CCDC171: variants seen among roughly 807,000 people sequenced by gnomAD.
CCDC171 encodes coiled-coil domain-containing protein 171.
A neutral mutation model predicts 168.2 loss-of-function variants in CCDC171; 177 were observed. That is an observed-to-expected ratio of 1.05 (90% confidence interval 0.93 to 1.19). The LOEUF (loss-of-function observed/expected upper bound fraction) is 1.19, where lower values mean the gene tolerates loss of function less well. Among genes scored for constraint, CCDC171 ranks in the 50% most tolerant of loss-of-function variants. The probability of loss-of-function intolerance (pLI) is 0.00; values close to 1 mark genes in which losing one functional copy is unlikely to be tolerated. For missense variants in CCDC171, 1,991 were observed against 1,539.0 expected, an observed-to-expected ratio of 1.29 and a Z score of -4.91; for synonymous variants, 687 against 540.8, an observed-to-expected ratio of 1.27 and a Z score of -3.75.
At chr9:15,827,381 G>C (rs2060057030) in intron 21 of CCDC171, among the ~76,000 whole-genome samples, 1 of 152,060 alleles carries the variant, frequency 6.6e-6, no homozygotes, top group Non-Finnish European at 1.5e-5. Flanking sequence ...TTTACAACTT[G>C]AGCCTCTTCT....
rs151046175 is a variant in CCDC171 at position 15,751,392 on chromosome 9, C to T, written c.2671+5761C>T. Among the ~76,000 whole-genome samples the T allele has an allele frequency of 8.5e-4, 129 of 152,304 alleles. 1 individual carries two copies. Among genetic ancestry groups the T allele is most frequent in the African/African-American group, 2.5e-3 (102 of 41,564 alleles). ...TTCAGTGCTATCCTCATCAAGCTGC[C>T]GCTGACTTTCTTCACAGAATTGGAA... On this transcript the variant is annotated intron_variant, in intron 18 of 25. Coordinates refer to ENST00000380701, the MANE Select transcript of CCDC171 (RefSeq NM_173550.4).
chr9:15,880,195 G>C (rs1012870524), intron 24 of CCDC171, among the ~76,000 whole-genome samples: 1 of 152,100 alleles, frequency 6.6e-6, no homozygotes, highest in Admixed American at 6.5e-5. Flanking sequence ...GTCCATGACT[G>C]TGCTTTGAAT....
intron 10 of CCDC171, among the ~76,000 whole-genome samples, chr9:15,684,341 T>C (rs2050236549): frequency 6.6e-6 from 1 of 152,026 alleles, no homozygotes; most frequent in African/African-American, 2.4e-5. Flanking sequence ...CTTATTTCAT[T>C]AAAAAAACCC....
At chr9:15,643,559 A>G in intron 7 of CCDC171, among the ~76,000 whole-genome samples, 1 of 152,116 alleles carries the variant, frequency 6.6e-6, no homozygotes, top group Admixed American at 6.6e-5. Context: ...TTTATTTTTC[A>G]ATTGAGATAT....
At chr9:15,609,148 G>A (rs2043459839) in intron 6 of CCDC171, among the ~76,000 whole-genome samples, 1 of 150,682 alleles carries the variant, frequency 6.6e-6, no homozygotes, top group Non-Finnish European at 1.5e-5. Context: ...CATCTAGGCT[G>A]GAGTGCAGTG....
At chr9:15,580,747 G>A (rs1435747910) in intron 4 of CCDC171, among the ~76,000 whole-genome samples, 4 of 152,176 alleles carry the variant, frequency 2.6e-5, no homozygotes, top group Admixed American at 2.0e-4. Flanking sequence ...TTGCATGGAT[G>A]TGGTAAAAAG....
At chr9:15,796,862 A>T (rs1438783644) in intron 21 of CCDC171, among the ~76,000 whole-genome samples, 2 of 152,196 alleles carry the variant, frequency 1.3e-5, no homozygotes, top group Non-Finnish European at 2.9e-5. Flanking sequence ...CCCCTATAGC[A>T]GACTCAAGCA....
At chr9:15,780,148 C>T (rs1046719382) in intron 20 of CCDC171, among the ~76,000 whole-genome samples, 3 of 152,176 alleles carry the variant, frequency 2.0e-5, no homozygotes, top group Non-Finnish European at 4.4e-5. Context: ...ATTATTATTT[C>T]AAGTAGATAC....
intron 6 of CCDC171, among the ~76,000 whole-genome samples, chr9:16,026,154 C>T (rs1452178415): frequency 6.6e-6 from 1 of 152,102 alleles, no homozygotes; most frequent in Non-Finnish European, 1.5e-5. Flanking sequence ...CGTAACCCAT[C>T]TCACCCCTCA....
At chr9:15,609,559 C>T (rs75561057) in intron 6 of CCDC171, among the ~76,000 whole-genome samples, 10,098 of 152,128 alleles carry the variant, frequency 0.066, 452 homozygotes, top group Middle Eastern at 0.099. Context: ...AGCCAAGTGT[C>T]CCTGTACTAG....
chr9:15,770,885 C>A (rs761532079), intron 18 of CCDC171, among the ~76,000 whole-genome samples: 1 of 152,176 alleles, frequency 6.6e-6, no homozygotes, highest in Non-Finnish European at 1.5e-5. Context: ...TTTTGATGAT[C>A]TCTACGAGTA....
chr9:16,070,474 T>A, the CCDC171 span, among the ~76,000 whole-genome samples: 1 of 152,204 alleles, frequency 6.6e-6, no homozygotes, highest in Non-Finnish European at 1.5e-5. Context: ...AGGGACTTTT[T>A]ATTGCTGGTT....
chr9:15,840,837 CATTT>C (rs1323033914), intron 21 of CCDC171, among the ~76,000 whole-genome samples: 1 of 151,890 alleles, frequency 6.6e-6, no homozygotes, highest in Admixed American at 6.6e-5. Context: ...CACTGTTATA[CATTT>C]AGTCTATCAC....
At chr9:16,006,548 A>G (rs1231554844) in intron 3 of CCDC171, among the ~76,000 whole-genome samples, 1 of 152,054 alleles carries the variant, frequency 6.6e-6, no homozygotes, top group Non-Finnish European at 1.5e-5. Flanking sequence ...ATCATTTAGC[A>G]TTAGGTATCT....
In CCDC171 at chr9:15,559,549, T is replaced by A. The variant is rs188368232; in HGVS notation, c.-111-4429T>A. 3.7e-3 allele frequency among the ~76,000 whole-genome samples: 556 copies of A among 152,266 alleles called. 4 individuals carry two copies. Among genetic ancestry groups the A allele is most frequent in the African/African-American group, 0.013 (529 of 41,562 alleles). On this transcript the variant is annotated intron_variant, in intron 1 of 25. Coordinates refer to ENST00000380701, the MANE Select transcript of CCDC171 (RefSeq NM_173550.4). ...AGTCTGTCTTATCAGAGATTAGGAT[T>A]GCAACCCTGGCTTTTTTTTGTTTTC...
chr9:16,018,666 C>T (rs1159689478), intron 3 of CCDC171, among the ~76,000 whole-genome samples: 2 of 152,228 alleles, frequency 1.3e-5, no homozygotes, highest in Non-Finnish European at 2.9e-5. Context: ...TAGAATATAA[C>T]ATGAATGGCA....
intron 1 of CCDC171, among the ~76,000 whole-genome samples, chr9:16,057,437 T>G (rs1050772245): frequency 6.6e-6 from 1 of 152,182 alleles, no homozygotes; most frequent in African/African-American, 2.4e-5. Context: ...CAAGGAAGTT[T>G]TTTTTGTTTG....
chr9:15,654,927 C>T (rs2047808172), intron 7 of CCDC171, among the ~76,000 whole-genome samples: 1 of 152,000 alleles, frequency 6.6e-6, no homozygotes, highest in African/African-American at 2.4e-5. Flanking sequence ...CAAACTATTG[C>T]AAGGACAAAA....
downstream of CCDC171, among the ~76,000 whole-genome samples, chr9:16,064,193 G>C (rs1032350174): frequency 1.3e-5 from 2 of 152,180 alleles, no homozygotes; most frequent in African/African-American, 4.8e-5. Flanking sequence ...GATAACAAAA[G>C]CATGCTTTTG....
Sources: allele counts gnomAD v4.1 joint callset (sites outside exome capture counted in the v4.1 genomes callset), GRCh38; gene constraint gnomAD v4.1.1; transcripts MANE v1.5; gene names NCBI Gene and HGNC (gene_info 2026-07-23, HGNC 2026-07-21).